ZNF236: variants seen among roughly 807,000 people sequenced by gnomAD.
The protein encoded by ZNF236 is zinc finger protein 236.
In ZNF236, 50 loss-of-function variants were observed where a neutral mutation model predicts 191.2. That is an observed-to-expected ratio of 0.26 (90% confidence interval 0.21 to 0.33). The LOEUF is 0.33. ZNF236 is among the 10% of genes least tolerant of loss of function. The pLI, the probability that ZNF236 is intolerant of heterozygous loss-of-function variation, is 1.00. For synonymous variants in ZNF236, 907 were observed against 928.8 expected (o/e 0.98, Z 0.43); for missense variants, 1,754 against 2,374.5 (o/e 0.74, Z 5.43).
chr18:76,850,417 C>T (rs1398993458), intron 2 of ZNF236, among the ~76,000 whole-genome samples: 2 of 152,068 alleles, frequency 1.3e-5, no homozygotes, highest in Admixed American at 6.6e-5. Flanking sequence ...GTATTATTTT[C>T]TCAGGTTCGA....
chr18:76,943,255 G>A (rs1968183328), intron 26 of ZNF236, among the ~76,000 whole-genome samples: 1 of 152,080 alleles, frequency 6.6e-6, no homozygotes, highest in Admixed American at 6.5e-5. Context: ...GAATATTGTG[G>A]GAGTAAGTGA....
intron 26 of ZNF236, among the ~76,000 whole-genome samples, chr18:76,942,742 C>T (rs1276801536): frequency 6.7e-6 from 1 of 150,366 alleles, no homozygotes; most frequent in Non-Finnish European, 1.5e-5. Flanking sequence ...TCTTGATCTC[C>T]TGACCTCGTG....
At chr18:76,913,714 A>T in intron 17 of ZNF236, 33 bp from the exon 18 acceptor site, 1 of 1,604,780 alleles carries the variant, frequency 6.2e-7, no homozygotes, top group Non-Finnish European at 8.5e-7. Context: ...CTATGAATTA[A>T]CGTGGTCTGA....
chr18:76,870,589 G>C (rs924804227), intron 4 of ZNF236, among the ~76,000 whole-genome samples: 3 of 152,200 alleles, frequency 2.0e-5, no homozygotes, highest in Admixed American at 1.3e-4. Flanking sequence ...CACAGTTTCA[G>C]ATAGTGGTGA....
chr18:76,922,303 G>A (rs889386512), intron 20 of ZNF236, among the ~76,000 whole-genome samples: 7 of 152,174 alleles, frequency 4.6e-5, no homozygotes, highest in African/African-American at 7.2e-5. Context: ...CCAGAGGGCC[G>A]TGTGCCTCTG....
Position 76,883,066 on chromosome 18 carries a change from C to T in ZNF236, c.1417+1554C>T, listed in dbSNP as rs541720975. Among the ~76,000 whole-genome samples the T allele has an allele frequency of 1.4e-4, 22 of 152,296 alleles. No homozygotes were observed. In the South Asian group the frequency reaches 4.1e-3, roughly 29 times the overall value. On this transcript the variant is annotated intron_variant, in intron 9 of 30. Coordinates refer to ENST00000320610, the MANE Select transcript of ZNF236 (RefSeq NM_001306089.2). Reference sequence around the variant, plus strand: ...GTACACATAGCCATGGTCCTTAGACCGAGAAGGTGAGCACCACCCCGTGCT... The same window carrying T: ...GTACACATAGCCATGGTCCTTAGACTGAGAAGGTGAGCACCACCCCGTGCT...
At chr18:76,823,890 T>TC (rs1410844286) in intron 1 of ZNF236, among the ~76,000 whole-genome samples, 4 of 151,940 alleles carry the variant, frequency 2.6e-5, no homozygotes, top group Non-Finnish European at 4.4e-5. Flanking sequence ...GACGCGAGTC[T>TC]CCCCCTGCAG....
chr18:76,854,255 T>C (rs569644169), intron 3 of ZNF236, among the ~76,000 whole-genome samples: 2 of 152,286 alleles, frequency 1.3e-5, no homozygotes, highest in East Asian at 1.9e-4. Flanking sequence ...GAGAATGCAT[T>C]TGTGGTATTT....
rs149173323 is a variant in ZNF236 at position 76,881,130 on chromosome 18, G to A, written c.1189-154G>A. On this transcript the variant is annotated intron_variant, in intron 8 of 30. Transcript: ENST00000320610. ...AGAAAGGACGTTACAGCCTCAAAGG[G>A]TTGGAAGCCTCACTTATAAGTGATG... 2.7e-3 allele frequency among the ~76,000 whole-genome samples: 418 copies of A among 152,286 alleles called. 6 individuals carry two copies. The highest frequency in any genetic ancestry group is 9.7e-3 in the African/African-American group (405 of 41,564).
chr18:76,938,725 C>T (rs770292652), intron 26 of ZNF236, among the ~76,000 whole-genome samples: 11 of 152,118 alleles, frequency 7.2e-5, no homozygotes, highest in East Asian at 3.9e-4. Context: ...GTGACCCAGG[C>T]GCACCGCACG....
chr18:76,921,737 CTTTTT>C (rs11380490), intron 20 of ZNF236, among the ~76,000 whole-genome samples: 1,967 of 98,034 alleles, frequency 0.02, 37 homozygotes, highest in African/African-American at 0.068. Flanking sequence ...GTGGGATGTT[CTTTTT>C]TTTTTTTTTT....
chr18:76,876,439 C>G (rs1976718003), intron 6 of ZNF236, among the ~76,000 whole-genome samples: 1 of 152,138 alleles, frequency 6.6e-6, no homozygotes, highest in South Asian at 2.1e-4. Context: ...TTAACTAACA[C>G]TGAAGTGAAC....
Position 76,881,429 on chromosome 18 carries a change from A to G in ZNF236, c.1334A>G (p.Glu445Gly), listed in dbSNP as rs367702026. The G allele has an allele frequency of 1.2e-6, 2 of 1,614,082 alleles. No homozygotes were observed. The highest frequency in any genetic ancestry group is 2.7e-5 in the African/African-American group (2 of 74,918). ...SNEQTDPTDA[E>G]QEKEQESPEK... ...GAGCAGACGGACCCCACAGACGCAG[A>G]GCAAGAAAAAGAACAGGAAAGCCCG... The change falls in exon 9 of 31, where the codon GAG becomes GGG. Residue 445 changes from glutamate (E) to glycine (G), a missense_variant. Physicochemically the swap from Glu to Gly is moderately conservative, Grantham distance 98. Coordinates refer to ENST00000320610, the MANE Select transcript of ZNF236 (RefSeq NM_001306089.2).
chr18:76,908,077 C>T (rs1967107347), intron 13 of ZNF236, among the ~76,000 whole-genome samples: 1 of 151,222 alleles, frequency 6.6e-6, no homozygotes, highest in Non-Finnish European at 1.5e-5. Flanking sequence ...TGTGTGTTGT[C>T]CTTCATCCTC....
chr18:76,823,080 C>T (rs571662649), intron 1 of ZNF236, among the ~76,000 whole-genome samples: 43 of 150,666 alleles, frequency 2.9e-4, no homozygotes, highest in Non-Finnish European at 3.9e-4. Context: ...GGCCAGAGCC[C>T]GGGCCTGCGG....
At position 76,968,271 on chromosome 18, in the gene ZNF236, A is replaced by G; in HGVS notation, c.5476A>G (p.Thr1826Ala). 1.2e-6 allele frequency: 2 copies of G among 1,611,574 alleles called. No homozygotes were observed. Among genetic ancestry groups the G allele is most frequent in the Non-Finnish European group, 1.7e-6 (2 of 1,179,354 alleles). The change falls in exon 31 of 31, where the codon ACC becomes GCC. Residue 1826 changes from threonine to alanine, a missense_variant. Thr to Ala is a moderately conservative substitution (Grantham distance 58). This residue lies in a region of ZNF236 where 606 missense variants were observed against 761.5 expected (regional missense o/e 0.80). Transcript: ENST00000320610. ...PEQDGEELSR[T>A]LHLEEVVQEA... ...GCAGGACGGGGAGGAGCTGAGCCGGACCCTCCACCTGGAGGAGGTGGTGCA... is the reference window on the plus strand; with the variant it reads ...GCAGGACGGGGAGGAGCTGAGCCGGGCCCTCCACCTGGAGGAGGTGGTGCA...
intron 1 of ZNF236, chr18:76,834,742 G>T: frequency 2.3e-6 from 1 of 436,468 alleles, no homozygotes; most frequent in East Asian, 5.9e-5. Flanking sequence ...CATCCTTTCG[G>T]ATGGGCATGG....
chr18:76,871,649 T>C (rs1233008062), intron 4 of ZNF236, 52 bp from the exon 5 acceptor site: 4 of 1,583,860 alleles, frequency 2.5e-6, no homozygotes, highest in Non-Finnish European at 3.4e-6. Flanking sequence ...TTTGAAATTA[T>C]GGTACAAGGG....
At chr18:76,963,581 G>A (rs1968710194) in intron 30 of ZNF236, among the ~76,000 whole-genome samples, 1 of 152,056 alleles carries the variant, frequency 6.6e-6, no homozygotes, top group African/African-American at 2.4e-5. Context: ...GGTGATACTG[G>A]CTCCATAGAA....
Sources: gnomAD v4.1 joint callset for allele counts (sites outside exome capture counted in the v4.1 genomes callset) on GRCh38, gnomAD v4.1.1 for gene constraint, gnomAD v4.1.1 regional missense constraint, MANE v1.5 for transcripts, NCBI Gene and HGNC (gene_info 2026-07-23, HGNC 2026-07-21) for gene names.